GRM8: variants seen among roughly 807,000 people sequenced by gnomAD.
GRM8 encodes the protein glutamate metabotropic receptor 8.
GRM8 carries 47 observed loss-of-function variants against 87.2 expected under a neutral mutation model. The observed-to-expected ratio is 0.54, with a 90% CI of 0.43 to 0.69. GRM8 has a LOEUF of 0.69. GRM8 is among the 30% of genes least tolerant of loss of function. The pLI, the probability that GRM8 is intolerant of heterozygous loss-of-function variation, is 0.00. For missense variants in GRM8, 1,019 were observed against 1,139.2 expected, an observed-to-expected ratio of 0.89 and a Z score of 1.52; for synonymous variants, 396 against 404.5, an observed-to-expected ratio of 0.98 and a Z score of 0.25.
chr7:126,810,329 A>C (rs1272043196), intron 6 of GRM8, among the ~76,000 whole-genome samples: 1 of 152,052 alleles, frequency 6.6e-6, no homozygotes, highest in East Asian at 1.9e-4. Flanking sequence ...TAACTACAAA[A>C]AGCTCTTTTA....
intron 9 of GRM8, among the ~76,000 whole-genome samples, chr7:126,522,447 A>G (rs1813124980): frequency 6.6e-6 from 1 of 152,252 alleles, no homozygotes; most frequent in African/African-American, 2.4e-5. Context: ...ATGAAGTACA[A>G]ACATGGCATA....
chr7:126,487,671 T>C (rs2839994), intron 9 of GRM8, among the ~76,000 whole-genome samples: 48,574 of 151,806 alleles, frequency 0.32, 8,153 homozygotes, highest in Middle Eastern at 0.41. Flanking sequence ...CATTTCTCAT[T>C]TGGTAAACAT....
intron 3 of GRM8, among the ~76,000 whole-genome samples, chr7:126,994,761 T>A (rs77949446): frequency 5.3e-5 from 8 of 152,254 alleles, no homozygotes; most frequent in South Asian, 2.1e-4. Flanking sequence ...GTTTTTTTTT[T>A]AATTCTAATC....
chr7:126,986,466 G>T (rs1812080223), intron 3 of GRM8, among the ~76,000 whole-genome samples: 1 of 152,140 alleles, frequency 6.6e-6, no homozygotes, highest in Non-Finnish European at 1.5e-5. Flanking sequence ...GATGCTTAAA[G>T]TTACTAAAGC....
Position 127,147,855 on chromosome 7 carries a change from G to C in GRM8, c.511-41143C>G, listed in dbSNP as rs145128566. Among the ~76,000 whole-genome samples, 49 of 152,138 alleles carry C rather than the reference G, an allele frequency of 3.2e-4. 1 individual carries two copies. Among genetic ancestry groups the C allele is most frequent in the African/African-American group, 1.1e-3 (44 of 41,548 alleles). ...TGCCTCAAATGCAGCTTTAAAATGA[G>C]TTAAATAAATAAAAATTAGTATAGA... On this transcript the variant is annotated intron_variant, in intron 2 of 10. Transcript: ENST00000339582.
intron 8 of GRM8, among the ~76,000 whole-genome samples, chr7:126,596,011 C>T (rs1034257454): frequency 2.0e-5 from 3 of 152,068 alleles, no homozygotes; most frequent in African/African-American, 7.2e-5. Context: ...GTGGCACAGG[C>T]TACTCAGGAG....
chr7:126,824,331 C>G (rs1794566708), intron 6 of GRM8, among the ~76,000 whole-genome samples: 1 of 152,062 alleles, frequency 6.6e-6, no homozygotes, highest in South Asian at 2.1e-4. Context: ...ATGTATGTAT[C>G]AAAGTGCACA....
chr7:126,726,232 C>G (rs906016399), intron 7 of GRM8, among the ~76,000 whole-genome samples: 1 of 150,600 alleles, frequency 6.6e-6, no homozygotes, highest in Non-Finnish European at 1.5e-5. Context: ...AAAAAAAAAA[C>G]GTAGAGGATA....
chr7:127,067,319 T>C (rs995933542), intron 3 of GRM8, among the ~76,000 whole-genome samples: 9 of 152,174 alleles, frequency 5.9e-5, no homozygotes, highest in African/African-American at 2.2e-4. Flanking sequence ...CATCATCCTG[T>C]AGCAAAGGAA....
intron 3 of GRM8, among the ~76,000 whole-genome samples, chr7:127,077,904 C>G (rs1221336745): frequency 6.6e-6 from 1 of 152,158 alleles, no homozygotes. Flanking sequence ...TATCTCAAGA[C>G]ATTTTTGGTT....
chr7:126,660,715 A>C (rs1483851111), intron 7 of GRM8, among the ~76,000 whole-genome samples: 2 of 152,212 alleles, frequency 1.3e-5, no homozygotes, highest in Non-Finnish European at 2.9e-5. Context: ...CTTTTCTCAG[A>C]AAATACCCCT....
intron 2 of GRM8, among the ~76,000 whole-genome samples, chr7:127,195,835 G>A (rs1046729915): frequency 3.9e-5 from 6 of 152,100 alleles, no homozygotes; most frequent in East Asian, 1.9e-4. Context: ...ACCCCCTTCC[G>A]CAAAATGCCT....
intron 2 of GRM8, among the ~76,000 whole-genome samples, chr7:127,192,339 G>A (rs1186352544): frequency 2.0e-5 from 3 of 152,208 alleles, no homozygotes; most frequent in Admixed American, 2.0e-4. Flanking sequence ...TTTGCAGTTT[G>A]TCATTGTTGT....
At position 127,116,501 on chromosome 7, in the gene GRM8, A is replaced by G. The variant is rs887717313; in HGVS notation, c.511-9789T>C. Among the ~76,000 whole-genome samples, 4 of 152,328 alleles carry G rather than the reference A, an allele frequency of 2.6e-5. No homozygotes were observed. In the Middle Eastern group the frequency reaches 0.01, roughly 389 times the overall value. On this transcript the variant is annotated intron_variant, in intron 2 of 10. Coordinates refer to ENST00000339582, the MANE Select transcript of GRM8 (RefSeq NM_000845.3). ...GACCAAATGGAAAAAGCAGGCATTC[A>G]ATAAATAATCAACCAAATAAACATT... is the stretch of plus-strand genomic sequence containing the variant.
At chr7:126,866,127 G>A (rs950786566) in intron 6 of GRM8, among the ~76,000 whole-genome samples, 5 of 152,224 alleles carry the variant, frequency 3.3e-5, no homozygotes, top group African/African-American at 1.2e-4. Context: ...CCTGGTGGGT[G>A]TGAAGTGGTA....
intron 3 of GRM8, among the ~76,000 whole-genome samples, chr7:126,960,990 C>T (rs1014538900): frequency 1.3e-5 from 2 of 152,242 alleles, no homozygotes; most frequent in South Asian, 2.1e-4. Context: ...ATGCCCAGAA[C>T]TGGAGTCAGT....
At chr7:126,973,776 T>C (rs1468281474) in intron 3 of GRM8, among the ~76,000 whole-genome samples, 2 of 152,210 alleles carry the variant, frequency 1.3e-5, no homozygotes, top group Non-Finnish European at 1.5e-5. Context: ...AATTAACCCA[T>C]GATTATTCTC....
chr7:126,690,923 A>AG (rs2151370269), intron 7 of GRM8, among the ~76,000 whole-genome samples: 1 of 152,106 alleles, frequency 6.6e-6, no homozygotes, highest in Admixed American at 6.5e-5. Context: ...TGGGCTTCAG[A>AG]GGGGAGGTAG....
At chr7:126,676,740 C>T (rs180874242) in intron 7 of GRM8, among the ~76,000 whole-genome samples, 21 of 152,244 alleles carry the variant, frequency 1.4e-4, no homozygotes, top group African/African-American at 4.8e-4. Flanking sequence ...TGATTAAATA[C>T]TTAAATGTAA....
Sources: allele counts gnomAD v4.1 joint callset (sites outside exome capture counted in the v4.1 genomes callset), GRCh38; gene constraint gnomAD v4.1.1; transcripts MANE v1.5; gene names NCBI Gene and HGNC (gene_info 2026-07-23, HGNC 2026-07-21).